Variants in SPATA31C1 observed in about 807,000 individuals in gnomAD.
The protein encoded by SPATA31C1 is spermatogenesis-associated protein 31C1.
chr9:87,921,538 A>G (rs779027494), exon 5 of SPATA31C1: 20 of 1,612,014 alleles, frequency 1.2e-5, no homozygotes, highest in Non-Finnish European at 1.7e-5. Context: ...TTCCCAGGGA[A>G]GGTTCTGGGG....
rs773161939 is a variant in SPATA31C1, at chr9:87,921,549, G to C, written n.1939G>C. 19 of 1,611,882 alleles carry C rather than the reference G, an allele frequency of 1.2e-5. No homozygotes were observed. The African/African-American group carries it at 2.5e-4, about 22-fold the overall frequency. Reference sequence around the variant, plus strand: ...AAGCTTCCCAGGGAAGGTTCTGGGGGCGACCTCTGAGGAGTCAGAAAGGAA... The same window carrying C: ...AAGCTTCCCAGGGAAGGTTCTGGGGCCGACCTCTGAGGAGTCAGAAAGGAA... On this transcript the variant is annotated non_coding_transcript_exon_variant, in exon 5 of 5. Coordinates refer to ENST00000420021, the Ensembl canonical transcript of SPATA31C1.
chr9:87,920,795 G>A (rs1198780764), exon 5 of SPATA31C1: 8 of 1,613,896 alleles, frequency 5.0e-6, no homozygotes, highest in Non-Finnish European at 6.8e-6. Context: ...CCTGGTCGCA[G>A]GAGACTACCA....
chr9:87,920,931 T>C (rs763433364), exon 5 of SPATA31C1: 1 of 1,613,142 alleles, frequency 6.2e-7, no homozygotes, highest in Non-Finnish European at 8.5e-7. Context: ...GTCCCAACCC[T>C]TTATTTCATC....
At chr9:87,920,985 C>T in exon 5 of SPATA31C1, 1 of 1,612,908 alleles carries the variant, frequency 6.2e-7, no homozygotes, top group East Asian at 2.2e-5. Flanking sequence ...GGCCGAGGCT[C>T]AGGCCCATCT....
chr9:87,916,178 G>A (rs1828711862), intron 1 of SPATA31C1, among the ~76,000 whole-genome samples: 1 of 141,262 alleles, frequency 7.1e-6, no homozygotes, highest in African/African-American at 2.6e-5. Flanking sequence ...TATCACCTGG[G>A]GATGGTAGAC....
rs187609223 is a variant in SPATA31C1 at position 87,920,979 on chromosome 9, G to A, written n.1369G>A. 3,957 of 1,612,834 alleles carry A rather than the reference G, an allele frequency of 2.5e-3. 79 individuals carry two copies. The African/African-American group carries it at 0.045, about 18-fold the overall frequency. ...CCGGCCCACACCTATGGCTCAGGCC[G>A]AGGCTCAGGCCCATCTTCAATCCTC... is the stretch of plus-strand genomic sequence containing the variant. On this transcript the variant is annotated non_coding_transcript_exon_variant, in exon 5 of 5. Coordinates refer to ENST00000420021, the Ensembl canonical transcript of SPATA31C1.
chr9:87,922,135 C>A, exon 5 of SPATA31C1: 1 of 1,613,736 alleles, frequency 6.2e-7, no homozygotes, highest in South Asian at 1.1e-5. Context: ...TCCTCACCTG[C>A]ATGTAAGCAG....
chr9:87,922,843 G>T lies in SPATA31C1; in HGVS notation n.3233G>T. ...GAAAAACATGAAGAAATGTTTCAAG[G>T]ATTGAGGACTCCTCAACTTACCCCA... On this transcript the variant is annotated non_coding_transcript_exon_variant, in exon 5 of 5. Coordinates refer to ENST00000420021, the Ensembl canonical transcript of SPATA31C1. 1.9e-6 allele frequency: 3 copies of T among 1,606,324 alleles called. No homozygotes were observed. In the South Asian group the frequency reaches 3.3e-5, roughly 18 times the overall value.
chr9:87,919,472 G>C, intron 3 of SPATA31C1, 124 bp downstream of exon 2: 2 of 1,413,116 alleles, frequency 1.4e-6, no homozygotes, highest in Admixed American at 2.2e-5. Context: ...TCAGAACCCT[G>C]GGTCCTTCTC....
exon 5 of SPATA31C1, chr9:87,922,187 T>A (rs771389183): frequency 1.3e-4 from 204 of 1,613,102 alleles, no homozygotes; most frequent in Non-Finnish European, 1.7e-4. Context: ...CAAATGATCA[T>A]GGGTCCTTGA....
exon 5 of SPATA31C1, chr9:87,921,471 C>A (rs1211409438): frequency 6.2e-7 from 1 of 1,611,722 alleles, no homozygotes; most frequent in Non-Finnish European, 8.5e-7. Context: ...CCCATGCCCA[C>A]ATCTGGGGCA....
intron 4 of SPATA31C1, 84 bp downstream of exon 3, chr9:87,920,060 G>A (rs1319854853): frequency 1.9e-6 from 3 of 1,608,468 alleles, no homozygotes; most frequent in African/African-American, 1.3e-5. Flanking sequence ...AGCTGACCTG[G>A]GATGGGGAGA....
At chr9:87,921,973 T>A in exon 5 of SPATA31C1, 1 of 1,613,130 alleles carries the variant, frequency 6.2e-7, no homozygotes, top group African/African-American at 1.3e-5. Flanking sequence ...TTGTCCCTTA[T>A]ACAGCTTGCT....
intron 2 of SPATA31C1, chr9:87,918,699 G>A (rs1220426063): frequency 8.9e-6 from 1 of 112,000 alleles, no homozygotes; most frequent in African/African-American, 5.0e-5. Flanking sequence ...GAGCCTGGGT[G>A]TTCCTGGAGC....
exon 5 of SPATA31C1, chr9:87,923,341 G>C (rs772547370): frequency 6.2e-7 from 1 of 1,602,216 alleles, no homozygotes; most frequent in South Asian, 1.1e-5. Flanking sequence ...CCCTTGAAAA[G>C]TGTCCGGTGC....
exon 5 of SPATA31C1, chr9:87,922,857 C>G: frequency 1.2e-6 from 2 of 1,606,274 alleles, no homozygotes; most frequent in Non-Finnish European, 8.5e-7. Context: ...GAGGACTCCT[C>G]AACTTACCCC....
chr9:87,917,063 T>C (rs1665441309), intron 1 of SPATA31C1, among the ~76,000 whole-genome samples: 1 of 131,448 alleles, frequency 7.6e-6, no homozygotes, highest in Admixed American at 8.2e-5. Flanking sequence ...CATAAGTACA[T>C]AAATAGAATT....
At chr9:87,921,665 G>A (rs1294719994) in exon 5 of SPATA31C1, 3 of 1,611,930 alleles carry the variant, frequency 1.9e-6, no homozygotes, top group Non-Finnish European at 2.5e-6. Flanking sequence ...AAGCCCACAT[G>A]GGCAGAAAGT....
chr9:87,920,325 A>C (rs1828817203), exon 5 of SPATA31C1: 1 of 1,613,980 alleles, frequency 6.2e-7, no homozygotes, highest in Non-Finnish European at 8.5e-7. Context: ...TGAGGTGGGC[A>C]AAAGAACACC....
Sources: allele counts gnomAD v4.1 joint callset (sites outside exome capture counted in the v4.1 genomes callset), GRCh38; gene constraint gnomAD v4.1.1; transcripts MANE v1.5; gene names NCBI Gene and HGNC (gene_info 2026-07-23, HGNC 2026-07-21).